The following GABRB2 variants were observed in gnomAD, a reference collection of about 807,000 sequenced individuals.
GABRB2 encodes the protein gamma-aminobutyric acid type A receptor subunit beta2, also known as gamma-aminobutyric acid receptor subunit beta-2.
A neutral mutation model predicts 54.7 loss-of-function variants in GABRB2; 16 were observed. That is an observed-to-expected ratio of 0.29 (90% CI 0.20 to 0.44). The LOEUF (loss-of-function observed/expected upper bound fraction) is 0.44, where lower values mean the gene tolerates loss of function less well. GABRB2 is among the 20% of genes least tolerant of loss of function. The pLI, the probability that GABRB2 is intolerant of heterozygous loss-of-function variation, is 1.00. For missense variants in GABRB2, 355 were observed against 644.0 expected (o/e 0.55, Z 4.86); for synonymous variants, 244 against 233.8 (o/e 1.04, Z -0.40).
At chr5:161,316,669 G>A in intron 9 of GABRB2, among the ~76,000 whole-genome samples, 1 of 151,812 alleles carries the variant, frequency 6.6e-6, no homozygotes, top group East Asian at 1.9e-4. Flanking sequence ...GTGCAGTGGT[G>A]CAATCTTGGC....
intron 4 of GABRB2, among the ~76,000 whole-genome samples, chr5:161,421,809 G>T (rs1442367862): frequency 1.3e-5 from 2 of 152,132 alleles, no homozygotes; most frequent in Non-Finnish European, 2.9e-5. Flanking sequence ...TTAACTGGGT[G>T]GTGGAGAAGG....
At chr5:161,408,481 T>A (rs1756410466) in intron 5 of GABRB2, among the ~76,000 whole-genome samples, 1 of 152,052 alleles carries the variant, frequency 6.6e-6, no homozygotes, top group African/African-American at 2.4e-5. Flanking sequence ...AATAACAATT[T>A]AATGAACAAA....
chr5:161,348,894 A>C (rs1754390487), intron 5 of GABRB2, among the ~76,000 whole-genome samples: 1 of 152,092 alleles, frequency 6.6e-6, no homozygotes, highest in South Asian at 2.1e-4. Context: ...TTTAAAAAGG[A>C]AACTAATGCA....
intron 4 of GABRB2, among the ~76,000 whole-genome samples, chr5:161,428,140 A>G (rs1757059328): frequency 6.6e-6 from 1 of 152,194 alleles, no homozygotes; most frequent in Admixed American, 6.5e-5. Flanking sequence ...ACAATGCATT[A>G]GGCTAGTGGC....
In GABRB2 at chr5:161,402,772, G is replaced by C. The variant is rs139713983; in HGVS notation, c.541+8203C>G. Among the ~76,000 whole-genome samples, 487 of 152,240 alleles carry C rather than the reference G, an allele frequency of 3.2e-3. 1 individual carries two copies. Among genetic ancestry groups the C allele is most frequent in the African/African-American group, 0.01 (434 of 41,544 alleles). On this transcript the variant is annotated intron_variant, in intron 5 of 9. Coordinates refer to ENST00000393959, the MANE Select transcript of GABRB2 (RefSeq NM_001371727.1). ...CAGGTCCACTGTGTTAGAAAGCCTG[G>C]AGATGGGGCCCCAGCAATGTGGGTT...
chr5:161,410,690 T>G (rs1756485373), intron 5 of GABRB2, among the ~76,000 whole-genome samples: 1 of 152,206 alleles, frequency 6.6e-6, no homozygotes, highest in South Asian at 2.1e-4. Flanking sequence ...TTTAAATGCC[T>G]GAAATAGCCC....
At chr5:161,447,694 A>G (rs1025187153) in intron 4 of GABRB2, among the ~76,000 whole-genome samples, 3 of 152,204 alleles carry the variant, frequency 2.0e-5, no homozygotes, top group African/African-American at 7.2e-5. Context: ...ATAAGGAGAC[A>G]GGAATGAGGT....
intron 4 of GABRB2, among the ~76,000 whole-genome samples, chr5:161,420,232 CA>C (rs889966268): frequency 2.2e-4 from 32 of 147,354 alleles, no homozygotes; most frequent in East Asian, 3.9e-4. Flanking sequence ...TTAACAAATG[CA>C]AAAAAAAAAT....
chr5:161,452,163 TATG>T lies in GABRB2; in HGVS notation c.458+7458_458+7460del, dbSNP rs139210149. Among the ~76,000 whole-genome samples the T allele has an allele frequency of 2.4e-3, 371 of 152,292 alleles. 2 individuals carry two copies. Among genetic ancestry groups the T allele is most frequent in the African/African-American group, 8.3e-3 (347 of 41,570 alleles). On this transcript the variant is annotated intron_variant, in intron 4 of 9. Transcript: ENST00000393959. ...ACTGCTCTTTTGTGTACCTGAATGT[TATG>T]ATATTTTTGATTTCTTAATAAATCA... is the stretch of plus-strand genomic sequence containing the variant.
chr5:161,445,359 A>G (rs1561652761), intron 4 of GABRB2, among the ~76,000 whole-genome samples: 1 of 152,112 alleles, frequency 6.6e-6, no homozygotes, highest in East Asian at 1.9e-4. Flanking sequence ...CATTCTTTCT[A>G]ACTGGAACAC....
intron 5 of GABRB2, among the ~76,000 whole-genome samples, chr5:161,409,225 G>A (rs1355812988): frequency 2.0e-5 from 3 of 152,046 alleles, no homozygotes; most frequent in African/African-American, 7.2e-5. Flanking sequence ...ACCACTAAGT[G>A]ACTGAATGAT....
chr5:161,390,137 C>A (rs1755774746), intron 5 of GABRB2, among the ~76,000 whole-genome samples: 1 of 152,064 alleles, frequency 6.6e-6, no homozygotes, highest in East Asian at 1.9e-4. Context: ...GATAATTAGG[C>A]CAGTTTAATC....
intron 5 of GABRB2, among the ~76,000 whole-genome samples, chr5:161,364,160 T>C (rs902227029): frequency 1.3e-5 from 2 of 152,164 alleles, no homozygotes; most frequent in Admixed American, 1.3e-4. Context: ...ATATACTGAA[T>C]GGCAGATACA....
chr5:161,526,562 A>T (rs1029204343), intron 3 of GABRB2, among the ~76,000 whole-genome samples: 4 of 151,286 alleles, frequency 2.6e-5, no homozygotes, highest in Middle Eastern at 3.4e-3. Context: ...CTACATTCAA[A>T]GAAGTTTTTT....
At chr5:161,532,519 A>T (rs1483411631) in intron 3 of GABRB2, among the ~76,000 whole-genome samples, 1 of 152,204 alleles carries the variant, frequency 6.6e-6, no homozygotes. Flanking sequence ...CACTAGACTC[A>T]GATGATTATT....
chr5:161,314,562 G>A (rs192108678), intron 9 of GABRB2, among the ~76,000 whole-genome samples: 4 of 152,218 alleles, frequency 2.6e-5, no homozygotes, highest in Admixed American at 2.6e-4. Flanking sequence ...TGGAGGTATT[G>A]TACTTGTTTT....
intron 9 of GABRB2, among the ~76,000 whole-genome samples, chr5:161,294,638 C>T (rs1282344764): frequency 6.6e-6 from 1 of 152,054 alleles, no homozygotes; most frequent in African/African-American, 2.4e-5. Context: ...TATAATAATC[C>T]AACCCTAGAG....
At chr5:161,401,592 C>A (rs944078318) in intron 5 of GABRB2, among the ~76,000 whole-genome samples, 23 of 152,114 alleles carry the variant, frequency 1.5e-4, no homozygotes, top group Non-Finnish European at 3.2e-4. Context: ...TGTAATGCCT[C>A]AAGTATTAAA....
chr5:161,404,145 C>T (rs1334694187), intron 5 of GABRB2, among the ~76,000 whole-genome samples: 3 of 152,126 alleles, frequency 2.0e-5, no homozygotes, highest in African/African-American at 2.4e-5. Context: ...TCAACATGCA[C>T]ATCCAAGCAC....
Sources: gnomAD v4.1 joint callset for allele counts (sites outside exome capture counted in the v4.1 genomes callset) on GRCh38, gnomAD v4.1.1 for gene constraint, MANE v1.5 for transcripts, NCBI Gene and HGNC (gene_info 2026-07-23, HGNC 2026-07-21) for gene names.